FGD5: variants seen among roughly 807,000 people sequenced by gnomAD.
The protein encoded by FGD5 is FYVE, RhoGEF and PH domain containing 5.
FGD5 carries 28 observed loss-of-function variants against 133.4 expected under a neutral mutation model. The ratio of observed to expected loss-of-function variants is 0.21; its 90% CI spans 0.16 to 0.29. FGD5 has a LOEUF of 0.29. Ranked by LOEUF, FGD5 falls within the 10% of genes least tolerant of loss-of-function variation. FGD5 has a pLI of 1.00. For synonymous variants in FGD5, 810 were observed against 776.5 expected (o/e 1.04, Z -0.72); for missense variants, 1,858 against 1,895.2 (o/e 0.98, Z 0.36).
chr3:14,881,954 T>C (rs1169456078), intron 4 of FGD5, among the ~76,000 whole-genome samples: 1 of 152,152 alleles, frequency 6.6e-6, no homozygotes, highest in Non-Finnish European at 1.5e-5. Flanking sequence ...CTGAGGTCCC[T>C]GTCAGCAATG....
intron 4 of FGD5, among the ~76,000 whole-genome samples, chr3:14,892,859 A>G (rs2038056828): frequency 6.6e-6 from 1 of 152,098 alleles, no homozygotes; most frequent in East Asian, 1.9e-4. Flanking sequence ...AAAACTGTCT[A>G]GTAGCGGGGT....
Position 14,917,410 on chromosome 3 carries a change from C to G in FGD5, c.3489+78C>G. 1 of 1,309,454 alleles carries G rather than the reference C, an allele frequency of 7.6e-7. No individual in the cohort carries two copies. Among genetic ancestry groups the G allele is most frequent in the South Asian group, 1.3e-5 (1 of 77,314 alleles). 81.1% of individuals were successfully genotyped at this position (1,309,454 alleles called of 1,614,324 possible). A position where few individuals can be genotyped will look rare whatever the true frequency, so the allele number is the denominator to read the frequency against. On this transcript the variant is annotated intron_variant, in intron 12 of 19. Transcript: ENST00000285046. The surrounding 1 kb of genome is among the most constrained non-coding windows in gnomAD (Gnocchi z 4.1). ...GGAGAAGGGGACAGCATCCTGCTCC[C>G]AGGAGCACCCAGACCAGCTGGAAGA...
In FGD5 at chr3:14,864,114, C is replaced by T. The variant is rs1305471538; in HGVS notation, c.2526-14C>T. The T allele has an allele frequency of 1.2e-6, 2 of 1,608,634 alleles. No homozygotes were observed. The highest frequency in any genetic ancestry group is 1.7e-5 in the Admixed American group (1 of 59,788). On this transcript the variant is annotated splice_polypyrimidine_tract_variant and intron_variant, in intron 1 of 19. Transcript: ENST00000285046. ...CAAAAAGCTTTAACCCTTCTTTCCC[C>T]TGCTTTGACCCAGCGCCTACACAGA...
chr3:14,838,171 G>C (rs1185010367), intron 1 of FGD5, among the ~76,000 whole-genome samples: 7 of 152,164 alleles, frequency 4.6e-5, no homozygotes, highest in African/African-American at 1.4e-4. Flanking sequence ...TCACGGGGCT[G>C]ATCTTTGCCC....
intron 1 of FGD5, among the ~76,000 whole-genome samples, chr3:14,840,735 C>CA (rs1230356056): frequency 6.6e-6 from 1 of 152,070 alleles, no homozygotes; most frequent in East Asian, 1.9e-4. Context: ...GAGGTAAAAA[C>CA]AAAAACCAAC....
chr3:14,810,774 G>A, upstream of FGD5: 7 of 979,610 alleles, frequency 7.1e-6, no homozygotes, highest in Non-Finnish European at 8.5e-6. Flanking sequence ...GGCCGCGGAG[G>A]GAGGCGGTGT....
intron 13 of FGD5, among the ~76,000 whole-genome samples, chr3:14,919,889 C>T (rs546527053): frequency 3.4e-4 from 52 of 152,318 alleles, no homozygotes; most frequent in South Asian, 1.5e-3. Flanking sequence ...GCCTCATCAC[C>T]TCCCAAAGGC....
intron 2 of FGD5, among the ~76,000 whole-genome samples, chr3:14,880,294 C>T (rs2037800321): frequency 6.6e-6 from 1 of 152,100 alleles, no homozygotes; most frequent in African/African-American, 2.4e-5. Flanking sequence ...TTCGAGTCTG[C>T]AGGGAACTGA....
At chr3:14,881,995 GA>G (rs1338073190) in intron 4 of FGD5, among the ~76,000 whole-genome samples, 1 of 152,188 alleles carries the variant, frequency 6.6e-6, no homozygotes, top group African/African-American at 2.4e-5. Context: ...CACATGAGCT[GA>G]TAGCAGCCAG....
At chr3:14,825,558 G>A (rs187450772) in intron 1 of FGD5, among the ~76,000 whole-genome samples, 226 of 152,224 alleles carry the variant, frequency 1.5e-3, no homozygotes, top group Non-Finnish European at 2.7e-3. Flanking sequence ...GTTGAGGCGG[G>A]AGGATCACTT....
intron 12 of FGD5, 100 bp from the exon 13 acceptor site, chr3:14,918,654 A>T: frequency 2.6e-6 from 3 of 1,175,562 alleles, no homozygotes; most frequent in Admixed American, 1.8e-5. Context: ...GAACGGCAGT[A>T]GGTGGACATG....
upstream of FGD5, among the ~76,000 whole-genome samples, chr3:14,817,232 G>A (rs1199092778): frequency 6.6e-6 from 1 of 152,080 alleles, no homozygotes; most frequent in Non-Finnish European, 1.5e-5. Flanking sequence ...TTTTGCTCTT[G>A]TCACCCAGGC....
chr3:14,855,603 G>A (rs2037262082), intron 1 of FGD5, among the ~76,000 whole-genome samples: 1 of 151,730 alleles, frequency 6.6e-6, no homozygotes, highest in Non-Finnish European at 1.5e-5. Flanking sequence ...TTTCCCTAGT[G>A]ATTAGTGATG....
At chr3:14,854,107 C>A (rs1575209797) in intron 1 of FGD5, among the ~76,000 whole-genome samples, 1 of 152,066 alleles carries the variant, frequency 6.6e-6, no homozygotes, top group Non-Finnish European at 1.5e-5. Flanking sequence ...CCATAGTTAT[C>A]ACCACCTTAT....
In FGD5 at chr3:14,911,834, AGAG is replaced by A. The variant is rs201392023; in HGVS notation, c.3405+909_3405+911del. Reference sequence around the variant, plus strand: ...CTAAGGAGGGCCAGGGGTGAAGAGAAGAGGAGCCACAGCCACGGCAGCGCCGCC... The same window carrying A: ...CTAAGGAGGGCCAGGGGTGAAGAGAAGAGCCACAGCCACGGCAGCGCCGCC... On this transcript the variant is annotated intron_variant, in intron 11 of 19. Transcript: ENST00000285046. Among the ~76,000 whole-genome samples the A allele has an allele frequency of 1.3e-3, 191 of 150,134 alleles. 1 individual carries two copies. In the East Asian group the frequency reaches 0.016, roughly 13 times the overall value.
intron 4 of FGD5, among the ~76,000 whole-genome samples, chr3:14,885,717 A>G (rs1369643457): frequency 6.6e-6 from 1 of 152,156 alleles, no homozygotes; most frequent in Non-Finnish European, 1.5e-5. Flanking sequence ...GAGCAGGTAG[A>G]AGTGAATGGC....
chr3:14,854,422 T>TTTATTTATTTAC (rs1553625422), intron 1 of FGD5, among the ~76,000 whole-genome samples: 49 of 142,442 alleles, frequency 3.4e-4, no homozygotes, highest in African/African-American at 1.3e-3. Context: ...TATTTATTTA[T>TTTATTTATTTAC]TTATTTATTT....
At chr3:14,898,167 A>G (rs895378163) in intron 6 of FGD5, 72 bp downstream of exon 6, 141 of 1,583,140 alleles carry the variant, frequency 8.9e-5, no homozygotes, top group Non-Finnish European at 1.1e-4. Context: ...GCTTAATGCA[A>G]ATCAGTGGGA....
upstream of FGD5, among the ~76,000 whole-genome samples, chr3:14,818,061 C>G (rs1286613820): frequency 6.6e-6 from 1 of 152,222 alleles, no homozygotes; most frequent in Non-Finnish European, 1.5e-5. Flanking sequence ...TTTAAGAGGT[C>G]TTCCCTGGCC....
Sources: gnomAD v4.1 joint callset for allele counts (sites outside exome capture counted in the v4.1 genomes callset) on GRCh38, gnomAD v4.1.1 for gene constraint, Gnocchi (gnomAD v3.1) non-coding constraint, MANE v1.5 for transcripts, NCBI Gene and HGNC (gene_info 2026-07-23, HGNC 2026-07-21) for gene names.